MMP24: variants seen among roughly 807,000 people sequenced by gnomAD.
MMP24 encodes the protein matrix metalloproteinase-24.
MMP24 carries 25 observed loss-of-function variants against 62.8 expected under a neutral mutation model. The observed-to-expected ratio is 0.40, with a 90% CI of 0.29 to 0.56. MMP24 has a LOEUF of 0.56. Ranked by LOEUF, MMP24 falls within the 20% of genes least tolerant of loss-of-function variation. MMP24 has a pLI of 0.50. For synonymous variants in MMP24, 319 were observed against 350.5 expected (o/e 0.91, Z 1.00); for missense variants, 634 against 853.6 (o/e 0.74, Z 3.21).
rs1211362532 is a variant in MMP24, at chr20:35,269,821, A to C, written c.1256A>C (p.Glu419Ala). 1 of 1,564,416 alleles carries C rather than the reference A, an allele frequency of 6.4e-7. No homozygotes were observed. Among genetic ancestry groups the C allele is most frequent in the East Asian group, 2.4e-5 (1 of 41,788 alleles). Residue 419 changes from glutamate (E) to alanine (A), a missense_variant, in exon 7 of 9, where the codon GAG becomes GCG. Physicochemically the swap from Glu to Ala is moderately radical, Grantham distance 107. This residue lies in a region of MMP24 where 399 missense variants were observed against 530.8 expected (regional missense o/e 0.75). Transcript: ENST00000246186. The surrounding 1 kb of genome is among the most constrained non-coding windows in gnomAD (Gnocchi z 4.6). ...RVQEGYPMQIEQFWKGLPARI... is the reference protein window; with the variant it reads ...RVQEGYPMQIAQFWKGLPARI... ...CAGGAGGGCTACCCCATGCAGATCG[A>C]GCAGTTCTGGAAGGGCCTGCCTGCC...
intron 1 of MMP24, among the ~76,000 whole-genome samples, chr20:35,230,934 T>A (rs1648227636): frequency 6.6e-6 from 1 of 152,206 alleles, no homozygotes; most frequent in African/African-American, 2.4e-5. Context: ...TCTCCTTTGC[T>A]TTATTTTTCT....
At chr20:35,263,642 G>A in intron 4 of MMP24, 149 bp from the exon 5 acceptor site, 1 of 579,326 alleles carries the variant, frequency 1.7e-6, no homozygotes, top group Non-Finnish European at 2.9e-6. Context: ...GGGAGGCAGG[G>A]GTTGTGCCTG....
At chr20:35,254,919 C>A (rs145419864) in intron 4 of MMP24, among the ~76,000 whole-genome samples, 165 bp downstream of exon 4, 1 of 152,190 alleles carries the variant, frequency 6.6e-6, no homozygotes, top group Non-Finnish European at 1.5e-5. Context: ...AACGTTCAAT[C>A]CACCAGGGCC....
intron 4 of MMP24, among the ~76,000 whole-genome samples, chr20:35,258,957 G>A (rs968150682): frequency 3.3e-5 from 5 of 152,016 alleles, no homozygotes; most frequent in Non-Finnish European, 7.3e-5. Flanking sequence ...AGGGGGGGCA[G>A]ATCACCTGAG....
In MMP24 at chr20:35,238,254, C is replaced by T. The variant is rs532003786; in HGVS notation, c.247-8586C>T. Among the ~76,000 whole-genome samples the T allele has an allele frequency of 7.9e-5, 12 of 152,276 alleles. No homozygotes were observed. In the South Asian group the frequency reaches 1.9e-3, roughly 24 times the overall value. ...ACACTGAACAACATGTCCATTTCGT[C>T]ATGGTTATGGCAGGCCCTGTGCTAG... On this transcript the variant is annotated intron_variant, in intron 1 of 8. Transcript: ENST00000246186.
At chr20:35,239,395 G>T (rs2060478023) in intron 1 of MMP24, among the ~76,000 whole-genome samples, 1 of 152,026 alleles carries the variant, frequency 6.6e-6, no homozygotes, top group Admixed American at 6.6e-5. Context: ...GCCAGGCTGG[G>T]ACTAGAATGT....
At chr20:35,241,244 G>C (rs1174234488) in intron 1 of MMP24, among the ~76,000 whole-genome samples, 3 of 152,148 alleles carry the variant, frequency 2.0e-5, no homozygotes, top group Non-Finnish European at 4.4e-5. Flanking sequence ...GCAGAGACAG[G>C]ATTAAGCAGC....
In MMP24 at chr20:35,246,976, A is replaced by G. The variant is rs777778306; in HGVS notation, c.383A>G (p.Gln128Arg). 9.3e-6 allele frequency: 15 copies of G among 1,614,060 alleles called. No homozygotes were observed. The South Asian group carries it at 1.2e-4, about 13-fold the overall frequency. ...ATCCCGGTCACCGGTGTGTTGGATC[A>G]GACAACGATCGAGTAAGATTTCCAT... ...YGIPVTGVLD[Q>R]TTIEWMKKPR... Residue 128 changes from glutamine (Q) to arginine (R), a missense_variant, in exon 2 of 9, where the codon CAG (glutamine) becomes CGG (arginine). Physicochemically the swap from Gln to Arg is conservative, Grantham distance 43 (BLOSUM62 1). Around this residue, in one of 3 missense-constraint regions of MMP24, gnomAD observed 212 missense variants for 259.6 expected, o/e 0.82. Coordinates refer to ENST00000246186, the MANE Select transcript of MMP24 (RefSeq NM_006690.4).
intron 3 of MMP24, among the ~76,000 whole-genome samples, chr20:35,253,304 A>G (rs1368029523): frequency 3.0e-5 from 3 of 101,626 alleles, no homozygotes; most frequent in Non-Finnish European, 5.8e-5. Context: ...CAGAAATCTG[A>G]CAAGAGAAGG....
chr20:35,273,201 T>C (rs910657457), intron 8 of MMP24, among the ~76,000 whole-genome samples: 6 of 132,476 alleles, frequency 4.5e-5, no homozygotes, highest in Non-Finnish European at 9.5e-5. Context: ...GAGACCAGCC[T>C]GAGTAACATA....
Position 35,269,686 on chromosome 20 carries a change from C to G in MMP24, c.1195-74C>G. Reference sequence around the variant, plus strand: ...GAGGGCTGGGCTGTTGGGACCTAAGCCCCACAGCTGCAATCACTGGGTTCG... The same window carrying G: ...GAGGGCTGGGCTGTTGGGACCTAAGGCCCACAGCTGCAATCACTGGGTTCG... On this transcript the variant is annotated intron_variant, in intron 6 of 8. Transcript: ENST00000246186. This position sits in a 1 kb window ranked among gnomAD's most constrained non-coding sequence, Gnocchi z 4.6. The G allele has an allele frequency of 1.3e-6, 2 of 1,518,152 alleles. No homozygotes were observed. Among genetic ancestry groups the G allele is most frequent in the Non-Finnish European group, 1.8e-6 (2 of 1,127,336 alleles). 94.0% of individuals were successfully genotyped at this position (1,518,152 alleles called of 1,614,324 possible). A position where few individuals can be genotyped will look rare whatever the true frequency, so the allele number is the denominator to read the frequency against.
intron 5 of MMP24, among the ~76,000 whole-genome samples, chr20:35,266,301 T>C (rs2378346): frequency 7.1e-6 from 1 of 141,176 alleles, no homozygotes; most frequent in Admixed American, 7.5e-5. Context: ...GCAGTGAGCT[T>C]AGATCACGCC....
In MMP24 at chr20:35,268,159, G is replaced by T. The variant is rs6060336; in HGVS notation, c.1194+740G>T. 3.6e-3 allele frequency among the ~76,000 whole-genome samples: 544 copies of T among 152,268 alleles called. 1 individual carries two copies. Among genetic ancestry groups the T allele is most frequent in the African/African-American group, 0.012 (486 of 41,546 alleles). On this transcript the variant is annotated intron_variant, in intron 6 of 8. Transcript: ENST00000246186. The stretch of plus-strand genomic sequence containing the variant: ...TACGGTGGCCTGTCACTCAGCCTAC[G>T]TTGGGTCCAAAATATCTGGAACATT...
chr20:35,238,456 C>T (rs1443222088), intron 1 of MMP24, among the ~76,000 whole-genome samples: 1 of 152,104 alleles, frequency 6.6e-6, no homozygotes, highest in African/African-American at 2.4e-5. Context: ...GGCCAAGGCT[C>T]CCCAAAGAGG....
At chr20:35,240,104 C>T (rs1425016352) in intron 1 of MMP24, among the ~76,000 whole-genome samples, 1 of 152,178 alleles carries the variant, frequency 6.6e-6, no homozygotes, top group African/African-American at 2.4e-5. Flanking sequence ...TACTTGTAGG[C>T]ACTGCCAGAG....
At position 35,226,988 on chromosome 20, in the gene MMP24, G is replaced by T; in HGVS notation, c.246+4G>T. 3.1e-6 allele frequency: 3 copies of T among 980,532 alleles called. No homozygotes were observed. Among genetic ancestry groups the T allele is most frequent in the Non-Finnish European group, 3.6e-6 (3 of 828,092 alleles). The allele number at this position is 980,532 out of a possible 1,614,324, so 60.7% of individuals were successfully genotyped here. A position where few individuals can be genotyped will look rare whatever the true frequency, so the allele number is the denominator to read the frequency against. ...GGAGGCGCCCTTCGCCGGGCAGGTG[G>T]GGCTGGCGCGCGGGGCCGGGGCGCG... On this transcript the variant is annotated splice_donor_region_variant and intron_variant, in intron 1 of 8. Transcript: ENST00000246186.
At chr20:35,238,438 A>T (rs1391025595) in intron 1 of MMP24, among the ~76,000 whole-genome samples, 1 of 152,180 alleles carries the variant, frequency 6.6e-6, no homozygotes, top group African/African-American at 2.4e-5. Context: ...TCTGAAATAG[A>T]TGTAAGAGGC....
intron 6 of MMP24, among the ~76,000 whole-genome samples, chr20:35,268,963 C>G (rs545239995): frequency 5.1e-4 from 77 of 150,988 alleles, no homozygotes; most frequent in Non-Finnish European, 8.7e-4. Flanking sequence ...GGAGGCGGAG[C>G]TTGCAGTGAG....
At chr20:35,238,500 A>ATTC (rs2060474036) in intron 1 of MMP24, among the ~76,000 whole-genome samples, 1 of 152,198 alleles carries the variant, frequency 6.6e-6, no homozygotes, top group Non-Finnish European at 1.5e-5. Flanking sequence ...AGAAGGAACA[A>ATTC]TACGTGTAAG....
Sources: gnomAD v4.1 joint callset for allele counts (sites outside exome capture counted in the v4.1 genomes callset) on GRCh38, gnomAD v4.1.1 for gene constraint, gnomAD v4.1.1 regional missense constraint, Gnocchi (gnomAD v3.1) non-coding constraint, MANE v1.5 for transcripts, NCBI Gene and HGNC (gene_info 2026-07-23, HGNC 2026-07-21) for gene names.